The following MYBPC3 variants were observed in gnomAD, a reference collection of about 807,000 sequenced individuals.
MYBPC3 encodes the protein myosin-binding protein C, cardiac-type.
MYBPC3 carries 108 observed loss-of-function variants against 159.3 expected under a neutral mutation model. The observed-to-expected ratio is 0.68, with a 90% CI of 0.58 to 0.80. MYBPC3 has a LOEUF of 0.80. Among genes scored for constraint, MYBPC3 ranks in the 30% least tolerant of loss-of-function variants. The pLI, the probability that MYBPC3 is intolerant of heterozygous loss-of-function variation, is 0.00. For synonymous variants in MYBPC3, 730 were observed against 702.0 expected, an observed-to-expected ratio of 1.04 and a Z score of -0.63; for missense variants, 1,631 against 1,762.1, an observed-to-expected ratio of 0.93 and a Z score of 1.33.
intron 18 of MYBPC3, 61 bp from the exon 19 acceptor site, chr11:47,341,305 T>C (rs1310169655): frequency 4.4e-6 from 6 of 1,367,886 alleles, no homozygotes; most frequent in Non-Finnish European, 6.0e-6. Flanking sequence ...CCTTGCCAGA[T>C]ACCCCAGCCA....
In MYBPC3 at chr11:47,332,386, T is replaced by C; in HGVS notation, c.3628-128A>G. ...GAGAGTCCCTGACTATGCCCAAGGC[T>C]GGAAACAAACATGGAACCAAGAGTG... On this transcript the variant is annotated intron_variant, in intron 32 of 34. Coordinates refer to ENST00000545968, the MANE Select transcript of MYBPC3 (RefSeq NM_000256.3). The surrounding 1 kb of genome is among the most constrained non-coding windows in gnomAD (Gnocchi z 4.2). 7.0e-7 allele frequency: 1 copy of C among 1,426,032 alleles called. No homozygotes were observed. The highest frequency in any genetic ancestry group is 9.7e-7 in the Non-Finnish European group (1 of 1,035,060). 88.3% of individuals were successfully genotyped at this position (1,426,032 alleles called of 1,614,324 possible).
chr11:47,343,382 G>A, intron 13 of MYBPC3, 110 bp downstream of exon 13: 1 of 1,482,036 alleles, frequency 6.7e-7, no homozygotes, highest in Admixed American at 2.3e-5. Context: ...CCAGAGAGAT[G>A]GGGCTGAGAG....
chr11:47,342,400 G>A (rs2142860658), intron 17 of MYBPC3, among the ~76,000 whole-genome samples, 178 bp downstream of exon 17: 1 of 152,324 alleles, frequency 6.6e-6, no homozygotes, highest in East Asian at 1.9e-4. Context: ...GTACCCTCTG[G>A]AGCGGTCACC....
At chr11:47,349,157 G>A (rs1404401913) in intron 5 of MYBPC3, among the ~76,000 whole-genome samples, 1 of 151,486 alleles carries the variant, frequency 6.6e-6, no homozygotes. Flanking sequence ...CCAGGACTGG[G>A]GAAGGTTGGG....
In MYBPC3 at chr11:47,336,000, C is replaced by T. The variant is rs190765116; in HGVS notation, c.2614G>A (p.Glu872Lys). ...QPFMPIGPPS[E>K]PTHLAVEDVS... The stretch of plus-strand genomic sequence containing the variant: ...TCCTCTACTGCCAGGTGGGTGGGTT[C>T]GCTGGGGGGACCTGGGCAGAGGAGA... The change falls in exon 26 of 35, where the codon GAA becomes AAA. Residue 872 changes from glutamate (E) to lysine (K), a missense_variant. Coordinates refer to ENST00000545968, the MANE Select transcript of MYBPC3 (RefSeq NM_000256.3). 9.3e-5 allele frequency: 141 copies of T among 1,521,574 alleles called. 3 individuals carry two copies. In the Admixed American group the frequency reaches 2.4e-3, roughly 26 times the overall value. 94.3% of individuals were successfully genotyped at this position (1,521,574 alleles called of 1,614,324 possible). A position where few individuals can be genotyped will look rare whatever the true frequency, so the allele number is the denominator to read the frequency against.
chr11:47,348,168 C>G (rs555277589), intron 6 of MYBPC3, among the ~76,000 whole-genome samples: 1 of 152,132 alleles, frequency 6.6e-6, no homozygotes, highest in Non-Finnish European at 1.5e-5. Context: ...AGTGCCAGGC[C>G]ATGGGCCAGG....
Position 47,339,331 on chromosome 11 carries a change from T to G in MYBPC3, c.2141A>C (p.Asp714Ala). Residue 714 changes from aspartate (D) to alanine (A), a missense_variant, in exon 22 of 35, where the codon GAC (aspartate) becomes GCC (alanine). Coordinates refer to ENST00000545968, the MANE Select transcript of MYBPC3 (RefSeq NM_000256.3). The part of the protein sequence containing the change: ...DTGDSDEWVF[D>A]KKLLCETEGR... ...GACCTCAGTCTCACTCACCTTCTTG[T>G]CAAACACCCACTCATCGCTGTCACC... The G allele has an allele frequency of 6.2e-7, 1 of 1,614,030 alleles. No individual in the cohort carries two copies. The highest frequency in any genetic ancestry group is 8.5e-7 in the Non-Finnish European group (1 of 1,179,884).
chr11:47,333,006 G>A, intron 30 of MYBPC3, 33 bp from the exon 31 acceptor site: 1 of 1,594,140 alleles, frequency 6.3e-7, no homozygotes, highest in Non-Finnish European at 8.5e-7. Flanking sequence ...GGCATCTCTG[G>A]GCCAGGCCCT....
In MYBPC3 at chr11:47,337,620, C is replaced by A. The variant is rs756390674; in HGVS notation, c.2414-41G>T. On this transcript the variant is annotated intron_variant, in intron 24 of 34. Transcript: ENST00000545968. ...TGGCAGCTCTGGTCTGGAACCCAGGCATCCCCACACCACCTTCCCTCGGAT... is the reference window on the plus strand; with the variant it reads ...TGGCAGCTCTGGTCTGGAACCCAGGAATCCCCACACCACCTTCCCTCGGAT... The A allele has an allele frequency of 2.5e-6, 4 of 1,612,906 alleles. No homozygotes were observed. In the Admixed American group the frequency reaches 6.7e-5, roughly 27 times the overall value.
Position 47,331,849 on chromosome 11 carries a change from C to T in MYBPC3, c.*22G>A, listed in dbSNP as rs768303629. 6.2e-7 allele frequency: 1 copy of T among 1,606,764 alleles called. No homozygotes were observed. The highest frequency in any genetic ancestry group is 1.7e-5 in the Admixed American group (1 of 59,186). On this transcript the variant is annotated 3_prime_UTR_variant, in exon 34 of 35. Transcript: ENST00000545968. ...TGGGTGTCGGGTGGTACATACCTGGCCATCCCCAGGAGCCAGCCTGGTCAC... is the reference window on the plus strand; with the variant it reads ...TGGGTGTCGGGTGGTACATACCTGGTCATCCCCAGGAGCCAGCCTGGTCAC...
At chr11:47,348,371 G>T in intron 6 of MYBPC3, 53 bp downstream of exon 6, 1 of 1,343,170 alleles carries the variant, frequency 7.4e-7, no homozygotes, top group Non-Finnish European at 1.0e-6. Flanking sequence ...GGAGGTAGGA[G>T]ACCAGGACCC....
chr11:47,336,105 G>A (rs2095882046), intron 25 of MYBPC3, 94 bp from the exon 26 acceptor site: 1 of 1,213,664 alleles, frequency 8.2e-7, no homozygotes, highest in Admixed American at 3.8e-5. Context: ...GGTCACATAG[G>A]GGGCACTTCC....
At chr11:47,348,930 A>ATATATATATATATATATATAT (rs1291880008) in intron 5 of MYBPC3, among the ~76,000 whole-genome samples, 70 of 133,566 alleles carry the variant, frequency 5.2e-4, no homozygotes, top group Non-Finnish European at 8.0e-4. Context: ...ATATATATTT[A>ATATATATATATATATATATAT]AAGGAGGCTG....
At chr11:47,352,285 C>A (rs2602329) in intron 1 of MYBPC3, among the ~76,000 whole-genome samples, 2 of 152,110 alleles carry the variant, frequency 1.3e-5, no homozygotes, top group Admixed American at 6.6e-5. Context: ...TAAACGTGGG[C>A]TCTGTCCGCG....
At chr11:47,334,537 G>A (rs1337376613) in intron 27 of MYBPC3, among the ~76,000 whole-genome samples, 1 of 151,842 alleles carries the variant, frequency 6.6e-6, no homozygotes, top group African/African-American at 2.4e-5. Context: ...CTAAGGGACT[G>A]ACATACACCA....
chr11:47,343,662 C>A, intron 12 of MYBPC3, 38 bp from the exon 13 acceptor site: 1 of 1,557,852 alleles, frequency 6.4e-7, no homozygotes, highest in South Asian at 1.2e-5. Flanking sequence ...CCCCACCGCC[C>A]GCACCCTGCT....
In MYBPC3 at chr11:47,346,137, G is replaced by T; in HGVS notation, c.1090+70C>A. 1 of 1,591,658 alleles carries T rather than the reference G, an allele frequency of 6.3e-7. No homozygotes were observed. Among genetic ancestry groups the T allele is most frequent in the South Asian group, 1.1e-5 (1 of 87,906 alleles). ...CCCCTGTGGGGAAGGGCTAACCTAT[G>T]CCCTCTCCTCTCCTGTGTAGGGAAG... On this transcript the variant is annotated intron_variant, in intron 12 of 34. Coordinates refer to ENST00000545968, the MANE Select transcript of MYBPC3 (RefSeq NM_000256.3). This position sits in a 1 kb window ranked among gnomAD's most constrained non-coding sequence, Gnocchi z 5.3.
At chr11:47,343,952 C>A (rs2095891885) in intron 12 of MYBPC3, among the ~76,000 whole-genome samples, 1 of 152,158 alleles carries the variant, frequency 6.6e-6, no homozygotes, top group African/African-American at 2.4e-5. Context: ...CCACGCCCAG[C>A]TAATTTTTGT....
chr11:47,349,736 C>T, intron 5 of MYBPC3, 38 bp downstream of exon 5: 1 of 1,592,064 alleles, frequency 6.3e-7, no homozygotes, highest in South Asian at 1.1e-5. Flanking sequence ...CTCTCCATGT[C>T]CCCTCTCTCC....
Sources: gnomAD v4.1 joint callset for allele counts (sites outside exome capture counted in the v4.1 genomes callset) on GRCh38, gnomAD v4.1.1 for gene constraint, Gnocchi (gnomAD v3.1) non-coding constraint, MANE v1.5 for transcripts, NCBI Gene and HGNC (gene_info 2026-07-23, HGNC 2026-07-21) for gene names.